MYOM3: variants seen among roughly 807,000 people sequenced by gnomAD.
MYOM3 encodes the protein myomesin-3.
A neutral mutation model predicts 191.7 loss-of-function variants in MYOM3; 155 were observed. That is an observed-to-expected ratio of 0.81 (90% confidence interval 0.71 to 0.92). The LOEUF (loss-of-function observed/expected upper bound fraction) is 0.92. MYOM3 is among the 40% of genes least tolerant of loss of function. The probability of loss-of-function intolerance (pLI) is 0.00; values close to 1 mark genes in which losing one functional copy is unlikely to be tolerated. For missense variants in MYOM3, 1,889 were observed against 1,890.6 expected (o/e 1.00, Z 0.02); for synonymous variants, 757 against 762.9 (o/e 0.99, Z 0.13).
At chr1:24,082,452 GC>G in intron 17 of MYOM3, 140 bp downstream of exon 17, 1 of 1,220,534 alleles carries the variant, frequency 8.2e-7, no homozygotes, top group Non-Finnish European at 1.1e-6. Flanking sequence ...GGAAAGGGCA[GC>G]CAGGGCCAGC....
chr1:24,089,926 C>A (rs1643795141), intron 13 of MYOM3, 139 bp downstream of exon 13: 2 of 886,458 alleles, frequency 2.3e-6, no homozygotes, highest in African/African-American at 1.7e-5. Flanking sequence ...CCCCAGCACT[C>A]TGACTGCCTC....
At chr1:24,097,897 T>C (rs1041330766) in intron 7 of MYOM3, 26 bp downstream of exon 7, 1 of 1,504,018 alleles carries the variant, frequency 6.6e-7, no homozygotes, top group Non-Finnish European at 9.3e-7. Flanking sequence ...TGGCCCGGAG[T>C]GCCTGTTGGG....
Position 24,092,268 on chromosome 1 carries a change from G to C in MYOM3, c.1138C>G (p.Arg380Gly), listed in dbSNP as rs200511491. ...PGAPGSPLNV[R>G]CLDVNRDCLI... ...CAGTCTCTGTTCACATCCAGGCATC[G>C]GACGTTCAGTGGGGAGCCTGGGGCC... is the stretch of plus-strand genomic sequence containing the variant. Residue 380 changes from arginine to glycine, a missense_variant, in exon 11 of 37, where the codon CGA (arginine) becomes GGA (glycine). Arg to Gly is a moderately radical substitution (Grantham distance 125). Coordinates refer to ENST00000374434, the MANE Select transcript of MYOM3 (RefSeq NM_152372.4). 8 of 1,396,534 alleles carry C rather than the reference G, an allele frequency of 5.7e-6. No homozygotes were observed. Among genetic ancestry groups the C allele is most frequent in the East Asian group, 2.7e-5 (1 of 36,426 alleles). 86.5% of individuals were successfully genotyped at this position (1,396,534 alleles called of 1,614,324 possible).
chr1:24,084,530 G>A lies in MYOM3; in HGVS notation c.1908C>T (p.Tyr636=), dbSNP rs752584598. The change falls in exon 16 of 37, where the codon TAC becomes TAT. Residue 636 remains tyrosine, a synonymous_variant. Coordinates refer to ENST00000374434, the MANE Select transcript of MYOM3 (RefSeq NM_152372.4). ...ACTCAGATGTCCCCACCTTCCGGGA[G>A]TAGATGTAATAACCCAGGAGCTCTG... is the stretch of plus-strand genomic sequence containing the variant. ...KDPELLGYYI[Y]SRKVGTSEWQ... 4.9e-5 allele frequency: 79 copies of A among 1,614,084 alleles called. No homozygotes were observed. The highest frequency in any genetic ancestry group is 2.3e-4 in the Admixed American group (14 of 60,014).
chr1:24,092,977 G>C lies in MYOM3; in HGVS notation c.1060C>G (p.Arg354Gly), dbSNP rs753559533. Reference protein sequence around the residue: ...MVRVPSPFGPREQSTYVLVRD... With the variant: ...MVRVPSPFGPGEQSTYVLVRD... Reference sequence around the variant, plus strand: ...ACAAGCACGTAGGTGCTCTGTTCCCGGGGTCCGAAGGGCGAGGGCACCCGG... The same window carrying C: ...ACAAGCACGTAGGTGCTCTGTTCCCCGGGTCCGAAGGGCGAGGGCACCCGG... The change falls in exon 10 of 37, where the codon CGG becomes GGG. Residue 354 changes from arginine (R) to glycine (G), a missense_variant. Transcript: ENST00000374434. The C allele has an allele frequency of 1.2e-6, 2 of 1,604,626 alleles. No homozygotes were observed. Among genetic ancestry groups the C allele is most frequent in the East Asian group, 2.2e-5 (1 of 44,628 alleles).
rs759195253 is a variant in MYOM3 at position 24,107,910 on chromosome 1, G to A, written c.242+83C>T. 3 of 1,236,048 alleles carry A rather than the reference G, an allele frequency of 2.4e-6. No homozygotes were observed. In the Admixed American group the frequency reaches 6.2e-5, roughly 26 times the overall value. The allele number at this position is 1,236,048 out of a possible 1,614,324, so 76.6% of individuals were successfully genotyped here. On this transcript the variant is annotated intron_variant, in intron 3 of 36. Transcript: ENST00000374434. Reference sequence around the variant, plus strand: ...TTTGGGCAGGTTCTTTACACTCGGGGTGAAAGGCCAGCAGGGAGGCCGGGG... The same window carrying A: ...TTTGGGCAGGTTCTTTACACTCGGGATGAAAGGCCAGCAGGGAGGCCGGGG...
In MYOM3 at chr1:24,057,604, G is replaced by A. The variant is rs563813214; in HGVS notation, c.4074C>T (p.Val1358=). 4 of 1,614,084 alleles carry A rather than the reference G, an allele frequency of 2.5e-6. No homozygotes were observed. Among genetic ancestry groups the A allele is most frequent in the African/African-American group, 1.3e-5 (1 of 75,028 alleles). The change falls in exon 37 of 37, where the codon GTC becomes GTT. Residue 1358 remains valine, a synonymous_variant. Transcript: ENST00000374434. Reference sequence around the variant, plus strand: ...AGATTTCAGGGGTGGGGTCTCCTGAGACGATGCAAGTCAAGCACAGGGTCT... The same window carrying A: ...AGATTTCAGGGGTGGGGTCTCCTGAAACGATGCAAGTCAAGCACAGGGTCT... The part of the protein sequence containing the change: ...EDKTLCLTCI[V]SGDPTPEISW...
chr1:24,067,866 C>T (rs1448510125), intron 27 of MYOM3, 104 bp downstream of exon 27: 1 of 1,121,618 alleles, frequency 8.9e-7, no homozygotes, highest in Non-Finnish European at 1.3e-6. Context: ...AGTGGACCTC[C>T]CTTGGGGACC....
At chr1:24,057,728 T>C (rs913986996) in intron 36 of MYOM3, 101 bp from the exon 37 acceptor site, 11 of 970,700 alleles carry the variant, frequency 1.1e-5, no homozygotes, top group Non-Finnish European at 1.5e-5. Flanking sequence ...GGTTGCTCCC[T>C]GTGATAATTT....
In MYOM3 at chr1:24,097,937, T is replaced by C. The variant is rs1315413134; in HGVS notation, c.731A>G (p.Lys244Arg). 1 of 1,613,434 alleles carries C rather than the reference T, an allele frequency of 6.2e-7. No homozygotes were observed. Among genetic ancestry groups the C allele is most frequent in the East Asian group, 2.2e-5 (1 of 44,878 alleles). ...GGAGGACTTACTGCGGACGAGGACT[T>C]TGGCGAAGGAGGAGGCCTGGCCGTG... The part of the protein sequence containing the change: ...NAHGQASSFA[K>R]VLVRTYLGKD... Residue 244 changes from lysine to arginine, a missense_variant, in exon 7 of 37, where the codon AAA becomes AGA. Physicochemically the swap from Lys to Arg is conservative, Grantham distance 26. Transcript: ENST00000374434.
chr1:24,071,523 A>G (rs1643531972), intron 24 of MYOM3, among the ~76,000 whole-genome samples: 1 of 151,660 alleles, frequency 6.6e-6, no homozygotes, highest in Non-Finnish European at 1.5e-5. Flanking sequence ...ACTTTCAAAA[A>G]CCCTAGCATC....
At chr1:24,067,137 C>G in intron 27 of MYOM3, 49 bp from the exon 28 acceptor site, 1 of 1,542,456 alleles carries the variant, frequency 6.5e-7, no homozygotes, top group Non-Finnish European at 8.8e-7. Context: ...CAGGCTCAGC[C>G]AGGGTGCCAC....
chr1:24,058,534 C>T (rs1228284660), intron 36 of MYOM3, among the ~76,000 whole-genome samples: 1 of 152,236 alleles, frequency 6.6e-6, no homozygotes, highest in Non-Finnish European at 1.5e-5. Context: ...AGATAATATA[C>T]ATGGAATCGT....
rs66516438 is a variant in MYOM3 at position 24,075,076 on chromosome 1, AAAAAGAAAAG to A, written c.2858+233_2858+242del. Among the ~76,000 whole-genome samples the A allele has an allele frequency of 3.7e-3, 555 of 150,522 alleles. 1 individual carries two copies. Among genetic ancestry groups the A allele is most frequent in the Middle Eastern group, 0.017 (5 of 292 alleles). Reference sequence around the variant, plus strand: ...GCAATAGAGCAAGACCCTGTCTCAAAAAAAGAAAAGAAAAGAAAAGAAAAGAAAAGAAGAG... The same window carrying A: ...GCAATAGAGCAAGACCCTGTCTCAAAAAAAGAAAAGAAAAGAAAAGAAGAG... On this transcript the variant is annotated intron_variant, in intron 22 of 36. Coordinates refer to ENST00000374434, the MANE Select transcript of MYOM3 (RefSeq NM_152372.4).
intron 20 of MYOM3, among the ~76,000 whole-genome samples, chr1:24,078,871 A>G (rs1643633779): frequency 6.6e-6 from 1 of 152,152 alleles, no homozygotes. Flanking sequence ...TGATATGTCT[A>G]AGTATTTGTG....
At chr1:24,110,515 G>A (rs1174858380) in intron 1 of MYOM3, among the ~76,000 whole-genome samples, 1 of 152,192 alleles carries the variant, frequency 6.6e-6, no homozygotes, top group Non-Finnish European at 1.5e-5. Context: ...GGCATGTGGT[G>A]GAGGTGTCTG....
chr1:24,105,663 A>G lies in MYOM3; in HGVS notation c.560+257T>C, dbSNP rs144242566. ...GGTCCCAGCTACTTGGGAGGCTGAG[A>G]TGGGAGGATCACTTGAGCCCAGGAG... On this transcript the variant is annotated intron_variant, in intron 5 of 36. Coordinates refer to ENST00000374434, the MANE Select transcript of MYOM3 (RefSeq NM_152372.4). 2.6e-3 allele frequency among the ~76,000 whole-genome samples: 390 copies of G among 152,252 alleles called. 3 individuals are homozygous for G. The highest frequency in any genetic ancestry group is 8.4e-3 in the African/African-American group (347 of 41,550).
At chr1:24,074,114 G>A in intron 23 of MYOM3, 46 bp downstream of exon 23, 1 of 1,479,794 alleles carries the variant, frequency 6.8e-7, no homozygotes, top group South Asian at 1.2e-5. Context: ...TTGTGTTTGG[G>A]ACTCTCTCTC....
intron 6 of MYOM3, among the ~76,000 whole-genome samples, chr1:24,099,310 G>A (rs1307625371): frequency 6.6e-6 from 1 of 152,122 alleles, no homozygotes; most frequent in African/African-American, 2.4e-5. Flanking sequence ...GTGCATATGT[G>A]TGCATATTAT....
Sources: gnomAD v4.1 joint callset for allele counts (sites outside exome capture counted in the v4.1 genomes callset) on GRCh38, gnomAD v4.1.1 for gene constraint, MANE v1.5 for transcripts, NCBI Gene and HGNC (gene_info 2026-07-23, HGNC 2026-07-21) for gene names.